Variants in RASAL2 observed in about 807,000 individuals in gnomAD.
The protein encoded by RASAL2 is RAS protein activator like 2.
Under a neutral mutation model 128.9 loss-of-function variants are expected in RASAL2, and 58 were observed. That is an observed-to-expected ratio of 0.45 (90% CI 0.36 to 0.56). The LOEUF (loss-of-function observed/expected upper bound fraction) is 0.56, where lower values mean the gene tolerates loss of function less well. Ranked by LOEUF, RASAL2 falls within the 20% of genes least tolerant of loss-of-function variation. RASAL2 has a pLI of 0.00. For missense variants in RASAL2, 1,360 were observed against 1,601.6 expected, an observed-to-expected ratio of 0.85 and a Z score of 2.57; for synonymous variants, 561 against 580.8, an observed-to-expected ratio of 0.97 and a Z score of 0.49.
chr1:178,176,463 C>G (rs1384463578), intron 1 of RASAL2, among the ~76,000 whole-genome samples: 3 of 151,158 alleles, frequency 2.0e-5, no homozygotes, highest in Admixed American at 2.0e-4. Context: ...AGTTGTTTGT[C>G]AGATGCATAG....
intron 1 of RASAL2, among the ~76,000 whole-genome samples, chr1:178,176,614 A>AC (rs1661901361): frequency 6.9e-6 from 1 of 145,474 alleles, no homozygotes; most frequent in East Asian, 2.0e-4. Context: ...TATTTGTTGC[A>AC]TTTTTTTTTT....
chr1:178,182,288 C>T lies in RASAL2; in HGVS notation c.202+87594C>T, dbSNP rs1012332022. The stretch of plus-strand genomic sequence containing the variant: ...GTACCTTTGTTTGAATATATCCTTA[C>T]TTTTTGGCACTACAAGATGCTCCAG... On this transcript the variant is annotated intron_variant, in intron 1 of 17. Coordinates refer to ENST00000367649, the MANE Select transcript of RASAL2 (RefSeq NM_170692.4). Among the ~76,000 whole-genome samples the T allele has an allele frequency of 3.9e-5, 6 of 152,254 alleles. No homozygotes were observed. The East Asian group carries it at 1.2e-3, about 29-fold the overall frequency.
At position 178,474,954 on chromosome 1, in the gene RASAL2, G is replaced by A. The variant is rs1240293203; in HGVS notation, c.*1715G>A. ...CCTGAGGGAGCCATATGCATCAAGT[G>A]AGTGTTTCTCCATAACAGAATATTT... On this transcript the variant is annotated 3_prime_UTR_variant, in exon 18 of 18. Coordinates refer to ENST00000367649, the MANE Select transcript of RASAL2 (RefSeq NM_170692.4). The A allele has an allele frequency of 6.6e-6, 1 of 152,148 alleles. No homozygotes were observed. The highest frequency in any genetic ancestry group is 2.4e-5 in the African/African-American group (1 of 41,434). The allele number at this position is 152,148 out of a possible 1,614,324, so 9.4% of individuals were successfully genotyped here.
At chr1:178,454,709 T>C (rs1677642200) in intron 12 of RASAL2, 61 bp downstream of exon 12, 3 of 1,423,724 alleles carry the variant, frequency 2.1e-6, no homozygotes, top group Admixed American at 1.7e-5. Flanking sequence ...AAAGTAACTA[T>C]AGAGTGATAG....
At chr1:178,384,874 A>T (rs1672472799) in intron 3 of RASAL2, among the ~76,000 whole-genome samples, 1 of 152,142 alleles carries the variant, frequency 6.6e-6, no homozygotes, top group African/African-American at 2.4e-5. Flanking sequence ...TAGACATTAT[A>T]AGAAATTTAT....
chr1:178,457,635 T>G (rs937256803), intron 13 of RASAL2, 48 bp from the exon 14 acceptor site: 2 of 1,577,976 alleles, frequency 1.3e-6, no homozygotes, highest in East Asian at 4.5e-5. Flanking sequence ...ATCTTAGCCA[T>G]GTTGAAGTTG....
At chr1:178,173,793 A>G (rs1409803902) in intron 1 of RASAL2, among the ~76,000 whole-genome samples, 1 of 152,096 alleles carries the variant, frequency 6.6e-6, no homozygotes, top group East Asian at 1.9e-4. Flanking sequence ...ATTAAAGTGC[A>G]GAAGGAAAGC....
At chr1:178,306,023 A>T (rs1667968262) in intron 3 of RASAL2, among the ~76,000 whole-genome samples, 1 of 152,252 alleles carries the variant, frequency 6.6e-6, no homozygotes, top group Non-Finnish European at 1.5e-5. Flanking sequence ...TCTTATTGAC[A>T]AGAGTTCTCC....
chr1:178,162,500 T>A (rs1350784597), intron 1 of RASAL2, among the ~76,000 whole-genome samples: 1 of 125,046 alleles, frequency 8.0e-6, no homozygotes, highest in Non-Finnish European at 1.6e-5. Context: ...ATATATATTT[T>A]ATATTATATA....
In RASAL2 at chr1:178,462,408, A is replaced by G. The variant is rs540621116; in HGVS notation, c.3253-1870A>G. 1.2e-4 allele frequency among the ~76,000 whole-genome samples: 18 copies of G among 152,056 alleles called. No homozygotes were observed. In the South Asian group the frequency reaches 3.7e-3, roughly 31 times the overall value. On this transcript the variant is annotated intron_variant, in intron 14 of 17. Transcript: ENST00000367649. ...AGTCAGTATCATTTAAAAGAACTGT[A>G]TGATATGATGCCCATTAGATTGACT...
At chr1:178,336,309 A>G (rs1447700230) in intron 3 of RASAL2, among the ~76,000 whole-genome samples, 1 of 152,028 alleles carries the variant, frequency 6.6e-6, no homozygotes, top group Non-Finnish European at 1.5e-5. Flanking sequence ...CTGCAGTAGT[A>G]TTTTGAATTA....
chr1:178,246,613 C>T (rs763907575), intron 1 of RASAL2, among the ~76,000 whole-genome samples: 1 of 151,980 alleles, frequency 6.6e-6, no homozygotes, highest in Non-Finnish European at 1.5e-5. Context: ...GTTGAATCGG[C>T]GTGGTGAGAG....
At chr1:178,278,555 G>A (rs2102198404) in intron 1 of RASAL2, among the ~76,000 whole-genome samples, 1 of 152,256 alleles carries the variant, frequency 6.6e-6, no homozygotes, top group South Asian at 2.1e-4. Context: ...CATGAGACTA[G>A]TAAATGATGT....
chr1:178,476,234 T>A lies in RASAL2; in HGVS notation c.*2995T>A, dbSNP rs1376182025. ...AGTGCTTGTAAAGTGCATGTCTAGC[T>A]GACAACAGACTTGACCATTAATGAG... On this transcript the variant is annotated 3_prime_UTR_variant, in exon 18 of 18. Coordinates refer to ENST00000367649, the MANE Select transcript of RASAL2 (RefSeq NM_170692.4). 1 of 152,236 alleles carries A rather than the reference T, an allele frequency of 6.6e-6. No individual in the cohort carries two copies. Among genetic ancestry groups the A allele is most frequent in the Non-Finnish European group, 1.5e-5 (1 of 68,050 alleles). The allele number at this position is 152,236 out of a possible 1,614,324, so 9.4% of individuals were successfully genotyped here.
At chr1:178,251,361 T>C (rs1330576890) in intron 1 of RASAL2, among the ~76,000 whole-genome samples, 1 of 152,230 alleles carries the variant, frequency 6.6e-6, no homozygotes, top group African/African-American at 2.4e-5. Context: ...TTACTGTATA[T>C]GTGCAATGTG....
At chr1:178,430,998 CATA>C (rs1170832149) in intron 5 of RASAL2, among the ~76,000 whole-genome samples, 1 of 151,458 alleles carries the variant, frequency 6.6e-6, no homozygotes, top group Non-Finnish European at 1.5e-5. Context: ...AATTTATGAT[CATA>C]ATATTTCTGC....
At chr1:178,445,424 C>T (rs1295268755) in intron 8 of RASAL2, 94 bp from the exon 9 acceptor site, 1 of 1,337,002 alleles carries the variant, frequency 7.5e-7, no homozygotes, top group East Asian at 2.5e-5. Flanking sequence ...AGTTTTAAAG[C>T]AGCATTTCCA....
chr1:178,256,246 AG>A (rs1478894061), intron 1 of RASAL2, among the ~76,000 whole-genome samples: 1 of 152,198 alleles, frequency 6.6e-6, no homozygotes, highest in African/African-American at 2.4e-5. Context: ...AATAGAATAA[AG>A]GAAAAAAACA....
chr1:178,230,294 C>A (rs1663949982), intron 1 of RASAL2, among the ~76,000 whole-genome samples: 1 of 151,964 alleles, frequency 6.6e-6, no homozygotes. Flanking sequence ...TTTTTAATTT[C>A]TCTTGAGTAA....
Sources: allele counts gnomAD v4.1 joint callset (sites outside exome capture counted in the v4.1 genomes callset), GRCh38; gene constraint gnomAD v4.1.1; transcripts MANE v1.5; gene names NCBI Gene and HGNC (gene_info 2026-07-23, HGNC 2026-07-21).